PTPN3: variants seen among roughly 807,000 people sequenced by gnomAD.
The protein encoded by PTPN3 is protein tyrosine phosphatase non-receptor type 3, also known as tyrosine-protein phosphatase non-receptor type 3.
PTPN3 carries 96 observed loss-of-function variants against 132.7 expected under a neutral mutation model. The observed-to-expected ratio is 0.72, with a 90% confidence interval of 0.61 to 0.86. The LOEUF (loss-of-function observed/expected upper bound fraction) is 0.86, where lower values mean the gene tolerates loss of function less well. PTPN3 is among the 40% of genes least tolerant of loss of function. The probability of loss-of-function intolerance (pLI) is 0.00; values close to 1 mark genes in which losing one functional copy is unlikely to be tolerated. For synonymous variants in PTPN3, 398 were observed against 429.0 expected (o/e 0.93, Z 0.89); for missense variants, 1,125 against 1,159.6 (o/e 0.97, Z 0.43).
the PTPN3 span, among the ~76,000 whole-genome samples, chr9:109,505,818 C>T: frequency 6.6e-6 from 1 of 151,254 alleles, no homozygotes; most frequent in African/African-American, 2.4e-5. Flanking sequence ...GGCGTGATCT[C>T]GGCTCACTGC....
intron 19 of PTPN3, among the ~76,000 whole-genome samples, chr9:109,400,650 G>A (rs143303079): frequency 6.6e-6 from 1 of 152,318 alleles, no homozygotes; most frequent in Non-Finnish European, 1.5e-5. Flanking sequence ...GTTCCAATCA[G>A]CCTTTGACAT....
intron 22 of PTPN3, among the ~76,000 whole-genome samples, chr9:109,384,841 C>A (rs1839435818): frequency 6.6e-6 from 1 of 152,164 alleles, no homozygotes; most frequent in Non-Finnish European, 1.5e-5. Flanking sequence ...CTAAACTATG[C>A]CGCTGGAAAG....
Position 109,404,603 on chromosome 9 carries a change from G to T in PTPN3, c.1798C>A (p.Arg600Ser), listed in dbSNP as rs148505458. 1 of 1,530,198 alleles carries T rather than the reference G, an allele frequency of 6.5e-7. No homozygotes were observed. The allele number at this position is 1,530,198 out of a possible 1,614,324, so 94.8% of individuals were successfully genotyped here. The change falls in exon 19 of 26, where the codon CGC becomes AGC. Residue 600 changes from arginine to serine, a missense_variant. Physicochemically the swap from Arg to Ser is moderately radical, Grantham distance 110 (BLOSUM62 -1). Coordinates refer to ENST00000374541, the MANE Select transcript of PTPN3 (RefSeq NM_002829.4). ...TCAGACTTGAAGTCAGCAAATGAGC[G>T]GACAGCTGTAACGTACAAGACAGTG... Reference protein sequence around the residue: ...LALVIRRRAVRSFADFKSEDE... With the variant: ...LALVIRRRAVSSFADFKSEDE...
the PTPN3 span, among the ~76,000 whole-genome samples, chr9:109,531,616 T>C: frequency 6.6e-6 from 1 of 152,216 alleles, no homozygotes; most frequent in Non-Finnish European, 1.5e-5. Context: ...CCTTCAGGTG[T>C]AGTTTTGAGA....
At chr9:109,394,098 A>G (rs995325332) in intron 19 of PTPN3, among the ~76,000 whole-genome samples, 2 of 152,252 alleles carry the variant, frequency 1.3e-5, no homozygotes, top group Non-Finnish European at 2.9e-5. Flanking sequence ...ATGATTTATT[A>G]GAGGTTTTGG....
chr9:109,483,197 C>G (rs1452053914), intron 1 of PTPN3, among the ~76,000 whole-genome samples: 3 of 152,256 alleles, frequency 2.0e-5, no homozygotes, highest in Admixed American at 6.5e-5. Flanking sequence ...CCTCGCTCCT[C>G]AGAGCTGACG....
intron 24 of PTPN3, 101 bp downstream of exon 24, chr9:109,382,201 A>T: frequency 7.1e-7 from 1 of 1,400,722 alleles, no homozygotes; most frequent in Non-Finnish European, 9.8e-7. Context: ...AGGGCACACG[A>T]CTTTGTGGGA....
At chr9:109,385,288 C>A (rs946422621) in intron 22 of PTPN3, among the ~76,000 whole-genome samples, 4 of 152,224 alleles carry the variant, frequency 2.6e-5, no homozygotes, top group Non-Finnish European at 5.9e-5. Flanking sequence ...TTAATAAATT[C>A]TACTAAACAT....
At chr9:109,414,327 G>A (rs897071955) in intron 14 of PTPN3, among the ~76,000 whole-genome samples, 1 of 152,248 alleles carries the variant, frequency 6.6e-6, no homozygotes, top group Non-Finnish European at 1.5e-5. Flanking sequence ...CGGCAGGCCT[G>A]TGTGGGTCTG....
chr9:109,437,981 G>T (rs959980276), intron 8 of PTPN3, 133 bp downstream of exon 8: 2 of 1,145,344 alleles, frequency 1.7e-6, no homozygotes, highest in Non-Finnish European at 1.2e-6. Context: ...CCAGCTCAAA[G>T]GTTCAAAAAC....
chr9:109,516,285 A>G, the PTPN3 span, among the ~76,000 whole-genome samples: 1 of 152,236 alleles, frequency 6.6e-6, no homozygotes, highest in African/African-American at 2.4e-5. Context: ...TCATAGGCTA[A>G]TAGAAGGGAC....
the PTPN3 span, among the ~76,000 whole-genome samples, chr9:109,505,902 G>A: frequency 6.6e-6 from 1 of 151,816 alleles, no homozygotes; most frequent in African/African-American, 2.4e-5. Flanking sequence ...GGAGCCTGCC[G>A]CTATGCCCGG....
chr9:109,385,396 T>C (rs887775833), intron 22 of PTPN3, among the ~76,000 whole-genome samples: 1 of 152,240 alleles, frequency 6.6e-6, no homozygotes, highest in African/African-American at 2.4e-5. Flanking sequence ...TGAAGCTTCA[T>C]ATCTTCAGAA....
chr9:109,448,852 G>A lies in PTPN3; in HGVS notation c.372C>T (p.His124=). The change falls in exon 6 of 26, where the codon CAC becomes CAT. Residue 124 remains histidine (H), a synonymous_variant. Coordinates refer to ENST00000374541, the MANE Select transcript of PTPN3 (RefSeq NM_002829.4). ...PNTLQQEQTR[H]LYFLQLKMDI... Reference sequence around the variant, plus strand: ...CCATCTTCAGTTGTAAGAAATACAAGTGCCTATGAAACAATTGTTTTCATT... The same window carrying A: ...CCATCTTCAGTTGTAAGAAATACAAATGCCTATGAAACAATTGTTTTCATT... 1.9e-6 allele frequency: 3 copies of A among 1,587,176 alleles called. No individual in the cohort carries two copies. Among genetic ancestry groups the A allele is most frequent in the Non-Finnish European group, 2.6e-6 (3 of 1,169,770 alleles).
At chr9:109,453,930 G>A (rs1235526073) in intron 5 of PTPN3, among the ~76,000 whole-genome samples, 1 of 151,868 alleles carries the variant, frequency 6.6e-6, no homozygotes, top group African/African-American at 2.4e-5. Flanking sequence ...TGGGAGGATC[G>A]CTTGAACCTG....
chr9:109,451,901 G>A (rs373070795), intron 5 of PTPN3, among the ~76,000 whole-genome samples: 185 of 152,280 alleles, frequency 1.2e-3, no homozygotes, highest in South Asian at 6.4e-3. Context: ...AGGCAGTGCC[G>A]TCCAGACTTG....
the PTPN3 span, among the ~76,000 whole-genome samples, chr9:109,512,617 C>T: frequency 6.6e-6 from 1 of 152,160 alleles, no homozygotes; most frequent in Non-Finnish European, 1.5e-5. Flanking sequence ...CACATTGAAA[C>T]CGGAAACACC....
the PTPN3 span, among the ~76,000 whole-genome samples, chr9:109,512,238 C>A: frequency 9.2e-5 from 14 of 152,296 alleles, no homozygotes; most frequent in Admixed American, 2.6e-4. Flanking sequence ...ATTCTCACCC[C>A]TGACCTACCA....
At chr9:109,534,031 A>G in the PTPN3 span, 1 of 769,374 alleles carries the variant, frequency 1.3e-6, no homozygotes, top group Non-Finnish European at 2.4e-6. Flanking sequence ...TACACTGCGA[A>G]GGTACCTCCT....
Sources: allele counts gnomAD v4.1 joint callset (sites outside exome capture counted in the v4.1 genomes callset), GRCh38; gene constraint gnomAD v4.1.1; transcripts MANE v1.5; gene names NCBI Gene and HGNC (gene_info 2026-07-23, HGNC 2026-07-21).